Variants in PEAK1 observed in about 807,000 individuals in gnomAD.
The protein encoded by PEAK1 is pseudopodium enriched atypical kinase 1.
Under a neutral mutation model 124.7 loss-of-function variants are expected in PEAK1, and 54 were observed. The ratio of observed to expected loss-of-function variants is 0.43; its 90% CI spans 0.35 to 0.54. The LOEUF is 0.54. PEAK1 is among the 20% of genes least tolerant of loss of function. PEAK1 has a pLI of 0.01. For missense variants in PEAK1, 2,046 were observed against 2,134.5 expected, an observed-to-expected ratio of 0.96 and a Z score of 0.82; for synonymous variants, 719 against 760.0, an observed-to-expected ratio of 0.95 and a Z score of 0.89.
At chr15:77,277,614 A>G (rs2062403447) in intron 5 of PEAK1, among the ~76,000 whole-genome samples, 1 of 133,228 alleles carries the variant, frequency 7.5e-6, no homozygotes, top group East Asian at 3.3e-4. Context: ...AAGTTTAAAA[A>G]GTGAATTAAT....
intron 6 of PEAK1, among the ~76,000 whole-genome samples, chr15:77,234,681 T>A (rs531848620): frequency 8.6e-5 from 13 of 151,914 alleles, no homozygotes; most frequent in East Asian, 5.8e-4. Flanking sequence ...TTTTTTAATT[T>A]AAAAAAAATT....
chr15:77,257,754 G>A (rs1281994019), intron 5 of PEAK1, among the ~76,000 whole-genome samples: 1 of 151,976 alleles, frequency 6.6e-6, no homozygotes, highest in African/African-American at 2.4e-5. Flanking sequence ...TGTCAATTTT[G>A]GCTTTTGTTG....
chr15:77,327,662 G>A (rs528321147), intron 2 of PEAK1, among the ~76,000 whole-genome samples: 1 of 151,654 alleles, frequency 6.6e-6, no homozygotes, highest in African/African-American at 2.4e-5. Context: ...TGTTGTTGTT[G>A]TTTTTTTAAC....
intron 5 of PEAK1, among the ~76,000 whole-genome samples, chr15:77,256,274 T>C (rs1056262449): frequency 1.3e-5 from 2 of 152,182 alleles, no homozygotes; most frequent in African/African-American, 4.8e-5. Flanking sequence ...ACTCCCCAAC[T>C]GGCTGAAGAA....
chr15:77,206,275 C>T lies in PEAK1; in HGVS notation c.-114-24235G>A, dbSNP rs891184844. On this transcript the variant is annotated intron_variant, in intron 6 of 9. Transcript: ENST00000682557. ...AAGTCTTTGCTATTGTGAATAATGC[C>T]GCAATAAACATACATGTGCATGTGT... Among the ~76,000 whole-genome samples, 686 of 146,596 alleles carry T rather than the reference C, an allele frequency of 4.7e-3. 3 individuals carry two copies. The highest frequency in any genetic ancestry group is 0.015 in the African/African-American group (607 of 39,342).
At chr15:77,176,372 T>C (rs986000152) in intron 7 of PEAK1, among the ~76,000 whole-genome samples, 4 of 151,208 alleles carry the variant, frequency 2.6e-5, no homozygotes, top group African/African-American at 7.3e-5. Flanking sequence ...ACTCAGACTA[T>C]AGCATGTATC....
chr15:77,253,827 T>G (rs1414600549), intron 5 of PEAK1, among the ~76,000 whole-genome samples: 1 of 152,168 alleles, frequency 6.6e-6, no homozygotes, highest in East Asian at 1.9e-4. Context: ...CTTTGAACTT[T>G]ATTTCTATTT....
intron 1 of PEAK1, among the ~76,000 whole-genome samples, chr15:77,396,932 A>G (rs1260811022): frequency 6.6e-6 from 1 of 152,190 alleles, no homozygotes; most frequent in Admixed American, 6.5e-5. Context: ...AGAAACATCA[A>G]ACTTAATCTC....
intron 2 of PEAK1, among the ~76,000 whole-genome samples, chr15:77,332,861 T>C (rs1005083102): frequency 3.3e-5 from 5 of 152,170 alleles, no homozygotes; most frequent in Admixed American, 6.5e-5. Context: ...TTTTTTTTAA[T>C]GGTACCTTAT....
chr15:77,290,706 T>C (rs2063170114), intron 2 of PEAK1, among the ~76,000 whole-genome samples: 2 of 152,146 alleles, frequency 1.3e-5, no homozygotes, highest in East Asian at 1.9e-4. Flanking sequence ...CACACTACCA[T>C]GTCTGAATAA....
intron 1 of PEAK1, among the ~76,000 whole-genome samples, chr15:77,399,427 T>C (rs1206741265): frequency 6.6e-6 from 1 of 152,054 alleles, no homozygotes; most frequent in East Asian, 1.9e-4. Flanking sequence ...TATACTACAA[T>C]GCTATAGTAA....
chr15:77,317,210 G>C (rs2064934027), intron 2 of PEAK1, among the ~76,000 whole-genome samples: 1 of 152,104 alleles, frequency 6.6e-6, no homozygotes, highest in South Asian at 2.1e-4. Flanking sequence ...GTTAAGTCTG[G>C]GTGGGGAATT....
Position 77,113,870 on chromosome 15 carries a change from A to G in PEAK1, c.*286T>C, listed in dbSNP as rs2051128299. ...AGAAGCTGTCCCTTCAAGAATATGG[A>G]TTTTCATTTTTACCTGCATTTATGG... On this transcript the variant is annotated 3_prime_UTR_variant, in exon 10 of 10. Coordinates refer to ENST00000682557, the MANE Select transcript of PEAK1 (RefSeq NM_001385026.1). 4.9e-6 allele frequency: 2 copies of G among 407,678 alleles called. No homozygotes were observed. The highest frequency in any genetic ancestry group is 8.8e-6 in the Non-Finnish European group (2 of 227,306). 25.3% of individuals were successfully genotyped at this position (407,678 alleles called of 1,614,324 possible).
intron 8 of PEAK1, among the ~76,000 whole-genome samples, chr15:77,136,084 G>A (rs1331139624): frequency 6.6e-6 from 1 of 152,188 alleles, no homozygotes; most frequent in African/African-American, 2.4e-5. Context: ...TTGTTGAATG[G>A]CTTTGACAAA....
chr15:77,404,185 G>A (rs962559875), intron 1 of PEAK1: 3 of 985,388 alleles, frequency 3.0e-6, no homozygotes, highest in Non-Finnish European at 3.6e-6. Flanking sequence ...TGAGGCAAAG[G>A]TTTAACATCT....
At chr15:77,401,200 C>T (rs933147368) in intron 1 of PEAK1, among the ~76,000 whole-genome samples, 1 of 152,152 alleles carries the variant, frequency 6.6e-6, no homozygotes. Flanking sequence ...TACCCTGTAA[C>T]TCATTTATAA....
chr15:77,230,880 G>A (rs1252519806), intron 6 of PEAK1, among the ~76,000 whole-genome samples: 2 of 151,858 alleles, frequency 1.3e-5, no homozygotes, highest in Non-Finnish European at 1.5e-5. Flanking sequence ...CAAAAACCCA[G>A]TAAGAAGCAT....
intron 6 of PEAK1, among the ~76,000 whole-genome samples, chr15:77,250,727 C>A (rs1293837278): frequency 6.6e-6 from 1 of 152,096 alleles, no homozygotes; most frequent in Non-Finnish European, 1.5e-5. Flanking sequence ...GCCACTGCAC[C>A]TGGCCTAATT....
At chr15:77,283,341 T>C (rs765791437) in intron 5 of PEAK1, among the ~76,000 whole-genome samples, 1 of 152,168 alleles carries the variant, frequency 6.6e-6, no homozygotes, top group Non-Finnish European at 1.5e-5. Flanking sequence ...AAACACTTTT[T>C]AATATAGAAC....
Sources: gnomAD v4.1 joint callset for allele counts (sites outside exome capture counted in the v4.1 genomes callset) on GRCh38, gnomAD v4.1.1 for gene constraint, MANE v1.5 for transcripts, NCBI Gene and HGNC (gene_info 2026-07-23, HGNC 2026-07-21) for gene names.